The following TAS2R1 variants were observed in gnomAD, a reference collection of about 807,000 sequenced individuals.
The protein encoded by TAS2R1 is taste 2 receptor member 1, also known as taste receptor type 2 member 1.
For synonymous variants in TAS2R1, 141 were observed against 134.2 expected, an observed-to-expected ratio of 1.05 and a Z score of -0.35; for missense variants, 370 against 353.4, an observed-to-expected ratio of 1.05 and a Z score of -0.38.
chr5:9,811,186 C>T, the TAS2R1 span, among the ~76,000 whole-genome samples: 20 of 152,186 alleles, frequency 1.3e-4, no homozygotes, highest in East Asian at 7.7e-4. Flanking sequence ...CTTCACCATG[C>T]GAGGATGCAG....
chr5:9,820,649 C>T, the TAS2R1 span, among the ~76,000 whole-genome samples: 29 of 152,130 alleles, frequency 1.9e-4, 1 homozygote, highest in Non-Finnish European at 4.0e-4. Flanking sequence ...GTTCCTCCAT[C>T]CTAGAGGAAA....
chr5:9,785,315 C>T, the TAS2R1 span, among the ~76,000 whole-genome samples: 1 of 152,148 alleles, frequency 6.6e-6, no homozygotes, highest in African/African-American at 2.4e-5. Context: ...AAAATAGAAT[C>T]AATCATTTCA....
chr5:9,832,225 C>T, the TAS2R1 span, among the ~76,000 whole-genome samples: 1 of 152,186 alleles, frequency 6.6e-6, no homozygotes, highest in African/African-American at 2.4e-5. Context: ...GTGAAACAAA[C>T]GAGCAACACT....
the TAS2R1 span, among the ~76,000 whole-genome samples, chr5:9,719,948 A>AAAAAC: frequency 2.7e-5 from 4 of 146,204 alleles, no homozygotes; most frequent in African/African-American, 8.1e-5. Flanking sequence ...ACAAAAACAA[A>AAAAAC]AACAAACTAC....
chr5:9,669,544 A>G (rs1482607399), intron 1 of TAS2R1, among the ~76,000 whole-genome samples: 2 of 152,148 alleles, frequency 1.3e-5, no homozygotes, highest in African/African-American at 4.8e-5. Flanking sequence ...TAAACAACCA[A>G]AATTATACCA....
chr5:9,737,876 G>C, the TAS2R1 span, among the ~76,000 whole-genome samples: 1 of 152,142 alleles, frequency 6.6e-6, no homozygotes. Flanking sequence ...TTTGTCCAAG[G>C]TGAGGCTAAA....
chr5:9,747,805 T>C, the TAS2R1 span, among the ~76,000 whole-genome samples: 1 of 146,802 alleles, frequency 6.8e-6, no homozygotes, highest in African/African-American at 2.5e-5. Flanking sequence ...ATGGTAAAGA[T>C]TTGTAACTTT....
chr5:9,872,964 G>A, the TAS2R1 span, among the ~76,000 whole-genome samples: 1 of 152,098 alleles, frequency 6.6e-6, no homozygotes, highest in African/African-American at 2.4e-5. Context: ...TCATTTTTTT[G>A]AGGATTTAGG....
At chr5:9,800,369 T>C in the TAS2R1 span, among the ~76,000 whole-genome samples, 6 of 152,214 alleles carry the variant, frequency 3.9e-5, no homozygotes, top group South Asian at 1.2e-3. Flanking sequence ...ACCAGACACA[T>C]AAACACAGGT....
the TAS2R1 span, among the ~76,000 whole-genome samples, chr5:9,870,433 G>T: frequency 1.3e-5 from 2 of 152,258 alleles, no homozygotes; most frequent in East Asian, 3.9e-4. Flanking sequence ...ACCCTCCCAT[G>T]AAAAGGTATA....
At chr5:9,632,505 G>A (rs1459680280), upstream of TAS2R1, among the ~76,000 whole-genome samples, 2 of 152,214 alleles carry the variant, frequency 1.3e-5, no homozygotes, top group African/African-American at 2.4e-5. Context: ...ATGTGATGCT[G>A]TCTGACAGCA....
At chr5:9,682,831 T>G (rs1251956117) in intron 1 of TAS2R1, among the ~76,000 whole-genome samples, 1 of 152,132 alleles carries the variant, frequency 6.6e-6, no homozygotes, top group African/African-American at 2.4e-5. Flanking sequence ...AACTAAAGGG[T>G]GTGGTTACAA....
the TAS2R1 span, among the ~76,000 whole-genome samples, chr5:9,868,090 G>A: frequency 6.6e-6 from 1 of 152,202 alleles, no homozygotes; most frequent in Non-Finnish European, 1.5e-5. Flanking sequence ...TTCACAGGCT[G>A]GCATTGTTTG....
the TAS2R1 span, among the ~76,000 whole-genome samples, chr5:9,898,437 C>A: frequency 6.6e-6 from 1 of 152,198 alleles, no homozygotes; most frequent in Non-Finnish European, 1.5e-5. Flanking sequence ...GGTTTTGAGA[C>A]CTTCCCTAAG....
At chr5:9,670,201 G>T (rs1274651405) in intron 1 of TAS2R1, among the ~76,000 whole-genome samples, 1 of 152,096 alleles carries the variant, frequency 6.6e-6, no homozygotes, top group Admixed American at 6.6e-5. Flanking sequence ...ATTGAACCAG[G>T]AAGAAATTAA....
chr5:9,871,570 C>T, the TAS2R1 span, among the ~76,000 whole-genome samples: 2 of 152,182 alleles, frequency 1.3e-5, no homozygotes, highest in East Asian at 1.9e-4. Flanking sequence ...CCCAACTGCA[C>T]ACACTCGGAT....
At chr5:9,803,510 T>C in the TAS2R1 span, among the ~76,000 whole-genome samples, 3 of 152,192 alleles carry the variant, frequency 2.0e-5, no homozygotes, top group African/African-American at 7.2e-5. Flanking sequence ...AGGTAATCTA[T>C]AAAGGAAAAC....
chr5:9,782,414 C>A, the TAS2R1 span, among the ~76,000 whole-genome samples: 303 of 151,400 alleles, frequency 2.0e-3, 1 homozygote, highest in Non-Finnish European at 3.4e-3. Flanking sequence ...AAACCTGATG[C>A]CCTTACCAAG....
At chr5:9,903,242 A>G in the TAS2R1 span, among the ~76,000 whole-genome samples, 1 of 152,054 alleles carries the variant, frequency 6.6e-6, no homozygotes, top group Non-Finnish European at 1.5e-5. Context: ...GAAAAAACCT[A>G]CAAGTAAGTG....
Sources: gnomAD v4.1 joint callset for allele counts (sites outside exome capture counted in the v4.1 genomes callset) on GRCh38, gnomAD v4.1.1 for gene constraint, MANE v1.5 for transcripts, NCBI Gene and HGNC (gene_info 2026-07-23, HGNC 2026-07-21) for gene names.